Variants in PODXL observed in about 807,000 individuals in gnomAD.
PODXL encodes the protein podocalyxin like.
Under a neutral mutation model 48.9 loss-of-function variants are expected in PODXL, and 20 were observed. That is an observed-to-expected ratio of 0.41 (90% CI 0.29 to 0.59). PODXL has a LOEUF of 0.59. PODXL is among the 20% of genes least tolerant of loss of function. PODXL has a pLI of 0.31. For missense variants in PODXL, 606 were observed against 675.1 expected (o/e 0.90, Z 1.13); for synonymous variants, 295 against 287.4 (o/e 1.03, Z -0.27).
chr7:131,512,459 A>AT (rs1170554304), intron 1 of PODXL, among the ~76,000 whole-genome samples: 1 of 152,172 alleles, frequency 6.6e-6, no homozygotes, highest in East Asian at 1.9e-4. Flanking sequence ...GCCCTGAAGG[A>AT]TAGCAAGGAG....
At chr7:131,517,430 G>C (rs573397848) in intron 1 of PODXL, among the ~76,000 whole-genome samples, 2 of 152,224 alleles carry the variant, frequency 1.3e-5, no homozygotes, top group Non-Finnish European at 2.9e-5. Context: ...CACAACGATA[G>C]AGAACGCAGC....
At chr7:131,556,085 C>T (rs1363468163) in intron 1 of PODXL, among the ~76,000 whole-genome samples, 175 bp downstream of exon 1, 1 of 152,228 alleles carries the variant, frequency 6.6e-6, no homozygotes, top group East Asian at 1.9e-4. Context: ...TGCCGCGCTG[C>T]GGAGTTTGGA....
At chr7:131,548,844 C>G (rs909241807) in intron 1 of PODXL, among the ~76,000 whole-genome samples, 3 of 152,068 alleles carry the variant, frequency 2.0e-5, no homozygotes, top group African/African-American at 7.2e-5. Context: ...CCTAGGCCGG[C>G]CCCCACCTGC....
At chr7:131,534,092 C>T (rs543090130) in intron 1 of PODXL, among the ~76,000 whole-genome samples, 5 of 152,236 alleles carry the variant, frequency 3.3e-5, no homozygotes, top group Admixed American at 2.6e-4. Flanking sequence ...AGCCCACCTC[C>T]TCCTCCACTC....
At position 131,556,614 on chromosome 7, in the gene PODXL, G is replaced by A; in HGVS notation, c.-255C>T. Reference sequence around the variant, plus strand: ...GCTGCGTCCTGGGCGGCGTCTGCGCGGCTGCGGCCCCACTGGCGGCTGCGG... The same window carrying A: ...GCTGCGTCCTGGGCGGCGTCTGCGCAGCTGCGGCCCCACTGGCGGCTGCGG... On this transcript the variant is annotated 5_prime_UTR_variant, in exon 1 of 9. Coordinates refer to ENST00000378555, the MANE Select transcript of PODXL (RefSeq NM_001018111.3). 1 of 268,392 alleles carries A rather than the reference G, an allele frequency of 3.7e-6. No homozygotes were observed. Among genetic ancestry groups the A allele is most frequent in the Non-Finnish European group, 6.7e-6 (1 of 148,166 alleles). The allele number at this position is 268,392 out of a possible 1,614,324, so 16.6% of individuals were successfully genotyped here.
chr7:131,538,683 C>G (rs1798423700), intron 1 of PODXL, among the ~76,000 whole-genome samples: 1 of 152,132 alleles, frequency 6.6e-6, no homozygotes, highest in Non-Finnish European at 1.5e-5. Flanking sequence ...CTCAGCCCAC[C>G]CCTGCCCGCT....
chr7:131,546,726 A>AT (rs1491345585), intron 1 of PODXL, among the ~76,000 whole-genome samples: 3 of 5,220 alleles, frequency 5.7e-4, no homozygotes, highest in African/African-American at 7.4e-4. Flanking sequence ...GCCCTGTCTC[A>AT]AAAAAAAAAA....
At chr7:131,517,700 CTG>C (rs10565520) in intron 1 of PODXL, among the ~76,000 whole-genome samples, 77,301 of 151,352 alleles carry the variant, frequency 0.51, 20,134 homozygotes, top group East Asian at 0.85. Flanking sequence ...AGCTGTGTCA[CTG>C]TGATCTCTGG....
intron 1 of PODXL, among the ~76,000 whole-genome samples, chr7:131,514,413 CA>C (rs1042597537): frequency 6.6e-6 from 1 of 150,904 alleles, no homozygotes; most frequent in Admixed American, 6.6e-5. Context: ...ACACAGTCTC[CA>C]AAAAAAAGTG....
At chr7:131,518,192 AC>A (rs1798033070) in intron 1 of PODXL, among the ~76,000 whole-genome samples, 1 of 152,174 alleles carries the variant, frequency 6.6e-6, no homozygotes, top group Non-Finnish European at 1.5e-5. Flanking sequence ...TAGGACCTGA[AC>A]ATGTCTTTTT....
intron 1 of PODXL, among the ~76,000 whole-genome samples, chr7:131,530,950 C>T (rs958824854): frequency 4.6e-5 from 7 of 151,872 alleles, no homozygotes; most frequent in African/African-American, 1.5e-4. Context: ...CCCAGCTACT[C>T]GGGAGGCTGA....
chr7:131,505,674 C>T (rs1053890564), intron 8 of PODXL, among the ~76,000 whole-genome samples, 194 bp downstream of exon 8: 17 of 152,204 alleles, frequency 1.1e-4, no homozygotes, highest in African/African-American at 2.2e-4. Context: ...CCAAAGCCCA[C>T]GCTCTGTCCT....
chr7:131,515,277 T>G (rs1300019142), intron 1 of PODXL, among the ~76,000 whole-genome samples: 4 of 152,296 alleles, frequency 2.6e-5, no homozygotes, highest in African/African-American at 9.6e-5. Context: ...GGAGTCTCTT[T>G]GTTTGCAGCT....
Position 131,509,001 on chromosome 7 carries a change from T to C in PODXL, c.1051A>G (p.Thr351Ala). 6.2e-7 allele frequency: 1 copy of C among 1,614,016 alleles called. No homozygotes were observed. Among genetic ancestry groups the C allele is most frequent in the Non-Finnish European group, 8.5e-7 (1 of 1,179,894 alleles). The change falls in exon 5 of 9, where the codon ACA becomes GCA. Residue 351 changes from threonine (T) to alanine (A), a missense_variant. Coordinates refer to ENST00000378555, the MANE Select transcript of PODXL (RefSeq NM_001018111.3). ...AGGACGAGCTGCTTCTCACTCTGTG[T>C]CTGTGTCTCAAGATCCTCACACTTT... is the stretch of plus-strand genomic sequence containing the variant. ...WAKCEDLETQTQSEKQLVLNL... is the reference protein window; with the variant it reads ...WAKCEDLETQAQSEKQLVLNL...
chr7:131,504,587 C>T, intron 8 of PODXL, 79 bp from the exon 9 acceptor site: 2 of 1,180,278 alleles, frequency 1.7e-6, no homozygotes, highest in East Asian at 2.3e-5. Context: ...CGTACCCCTC[C>T]CACTCAGGAG....
chr7:131,530,856 T>A (rs996712521), intron 1 of PODXL, among the ~76,000 whole-genome samples: 13 of 151,122 alleles, frequency 8.6e-5, no homozygotes, highest in African/African-American at 3.2e-4. Flanking sequence ...GTCGGGAGTA[T>A]GAGACCAGCC....
intron 1 of PODXL, among the ~76,000 whole-genome samples, chr7:131,512,324 A>G (rs1268697794): frequency 6.6e-6 from 1 of 152,172 alleles, no homozygotes; most frequent in Non-Finnish European, 1.5e-5. Context: ...CCACCTGGAC[A>G]GAGCAGCCGT....
In PODXL at chr7:131,503,983, C is replaced by T; in HGVS notation, c.*328G>A. ...GCTCTGACCTTGGGCAAGTCACTTACCCTCTTCAGGTCTCGGCAATCTCAC... is the reference window on the plus strand; with the variant it reads ...GCTCTGACCTTGGGCAAGTCACTTATCCTCTTCAGGTCTCGGCAATCTCAC... On this transcript the variant is annotated 3_prime_UTR_variant, in exon 9 of 9. Transcript: ENST00000378555. The T allele has an allele frequency of 5.5e-6, 2 of 364,486 alleles. No individual in the cohort carries two copies. The highest frequency in any genetic ancestry group is 1.0e-5 in the Non-Finnish European group (2 of 195,132). The allele number at this position is 364,486 out of a possible 1,614,324, so 22.6% of individuals were successfully genotyped here.
chr7:131,506,490 A>T, intron 6 of PODXL, 89 bp downstream of exon 6: 2 of 1,471,886 alleles, frequency 1.4e-6, no homozygotes, highest in Non-Finnish European at 9.4e-7. Flanking sequence ...AAGGGGCACC[A>T]CTGTGACCCA....
Sources: gnomAD v4.1 joint callset for allele counts (sites outside exome capture counted in the v4.1 genomes callset) on GRCh38, gnomAD v4.1.1 for gene constraint, MANE v1.5 for transcripts, NCBI Gene and HGNC (gene_info 2026-07-23, HGNC 2026-07-21) for gene names.